Variants in PLPPR1 observed in about 807,000 individuals in gnomAD.
PLPPR1 encodes phospholipid phosphatase-related protein type 1.
PLPPR1 carries 10 observed loss-of-function variants against 33.1 expected under a neutral mutation model. That is an observed-to-expected ratio of 0.30 (90% CI 0.19 to 0.51). The LOEUF is 0.51. Ranked by LOEUF, PLPPR1 falls within the 20% of genes least tolerant of loss-of-function variation. The pLI is 0.97. For synonymous variants in PLPPR1, 151 were observed against 151.0 expected (o/e 1.00, Z 0.00); for missense variants, 304 against 408.1 (o/e 0.74, Z 2.20).
At chr9:101,173,187 T>C (rs1825969857) in intron 1 of PLPPR1, among the ~76,000 whole-genome samples, 2 of 152,178 alleles carry the variant, frequency 1.3e-5, no homozygotes, top group Admixed American at 6.5e-5. Context: ...GAGTCACTAA[T>C]TTAATATACA....
chr9:101,309,312 A>G lies in PLPPR1; in HGVS notation c.487A>G (p.Asn163Asp), dbSNP rs773692925. The G allele has an allele frequency of 3.1e-6, 5 of 1,614,068 alleles. No individual in the cohort carries two copies. The African/African-American group carries it at 6.7e-5, about 22-fold the overall frequency. ...ATACTTCCTGACTGTGTGCAAGCCA[A>G]ACTACACCAGTGCAGACTGCCAAGC... ...TPYFLTVCKP[N>D]YTSADCQAHH... The change falls in exon 5 of 8, where the codon AAC becomes GAC. Residue 163 changes from asparagine (N) to aspartate (D), a missense_variant. Physicochemically the swap from Asn to Asp is conservative, Grantham distance 23. Transcript: ENST00000374874.
At chr9:101,050,958 C>T (rs1163594815) in intron 1 of PLPPR1, among the ~76,000 whole-genome samples, 1 of 152,144 alleles carries the variant, frequency 6.6e-6, no homozygotes, top group Non-Finnish European at 1.5e-5. Context: ...AGTGTTTCAT[C>T]CAAACTCTAC....
chr9:101,109,116 G>A (rs1366223157), intron 1 of PLPPR1, among the ~76,000 whole-genome samples: 3 of 146,362 alleles, frequency 2.0e-5, no homozygotes, highest in African/African-American at 7.6e-5. Flanking sequence ...CCGCCACCAC[G>A]CCTGGCTAAT....
At chr9:101,087,886 A>G (rs2118525596) in intron 1 of PLPPR1, among the ~76,000 whole-genome samples, 1 of 152,304 alleles carries the variant, frequency 6.6e-6, no homozygotes, top group African/African-American at 2.4e-5. Flanking sequence ...AAATGAAATC[A>G]CCAATCATTC....
At chr9:101,075,101 TTAAA>T (rs1830521166) in intron 1 of PLPPR1, among the ~76,000 whole-genome samples, 1 of 152,210 alleles carries the variant, frequency 6.6e-6, no homozygotes, top group Non-Finnish European at 1.5e-5. Context: ...GATAAAATTC[TTAAA>T]TAATCCAGTG....
intron 2 of PLPPR1, among the ~76,000 whole-genome samples, chr9:101,263,781 T>G (rs1827940807): frequency 6.6e-6 from 1 of 152,214 alleles, no homozygotes; most frequent in Non-Finnish European, 1.5e-5. Context: ...GAAATAATAA[T>G]GTACTTACCA....
At chr9:101,244,329 G>A (rs1027037537) in intron 2 of PLPPR1, among the ~76,000 whole-genome samples, 3 of 151,934 alleles carry the variant, frequency 2.0e-5, no homozygotes, top group African/African-American at 7.2e-5. Flanking sequence ...TTTAAATGTT[G>A]AGATATGTTC....
At chr9:101,197,059 G>T (rs1255705543) in intron 2 of PLPPR1, among the ~76,000 whole-genome samples, 1 of 151,828 alleles carries the variant, frequency 6.6e-6, no homozygotes, top group Non-Finnish European at 1.5e-5. Context: ...GCTCAGACCT[G>T]TTCACAGAGG....
chr9:101,051,246 TTACTAC>T (rs35355458), intron 1 of PLPPR1, among the ~76,000 whole-genome samples: 3,120 of 149,788 alleles, frequency 0.021, 106 homozygotes, highest in African/African-American at 0.072. Context: ...CAATTCTTTG[TTACTAC>T]TACTACTACT....
intron 2 of PLPPR1, among the ~76,000 whole-genome samples, chr9:101,253,381 C>T (rs1827745138): frequency 6.6e-6 from 1 of 151,934 alleles, no homozygotes; most frequent in Admixed American, 6.6e-5. Context: ...AACCCCATCT[C>T]TACTAAAAAT....
chr9:101,280,688 A>G (rs1471485433), intron 3 of PLPPR1, among the ~76,000 whole-genome samples: 1 of 152,150 alleles, frequency 6.6e-6, no homozygotes, highest in Non-Finnish European at 1.5e-5. Context: ...ATTTCCATTA[A>G]TGCTGAAAAA....
At chr9:101,089,628 T>C (rs559436047) in intron 1 of PLPPR1, among the ~76,000 whole-genome samples, 2 of 152,318 alleles carry the variant, frequency 1.3e-5, no homozygotes, top group East Asian at 3.9e-4. Flanking sequence ...TAAAATGGTA[T>C]TTTAATAGTG....
chr9:101,111,769 C>T (rs748874304), intron 1 of PLPPR1, among the ~76,000 whole-genome samples: 1 of 152,148 alleles, frequency 6.6e-6, no homozygotes, highest in Middle Eastern at 3.2e-3. Flanking sequence ...GACCCCACAG[C>T]AGTGCAAATG....
chr9:101,064,355 T>TGAAA (rs1830382887), intron 1 of PLPPR1, among the ~76,000 whole-genome samples: 1 of 151,640 alleles, frequency 6.6e-6, no homozygotes, highest in South Asian at 2.1e-4. Flanking sequence ...ATAGAATGAA[T>TGAAA]GAATGAATGA....
chr9:101,085,329 C>G (rs1017490243), intron 1 of PLPPR1, among the ~76,000 whole-genome samples: 4 of 152,144 alleles, frequency 2.6e-5, no homozygotes, highest in African/African-American at 9.7e-5. Flanking sequence ...TTCCAAGATC[C>G]TTTTCTTTGG....
chr9:101,230,916 ACT>A (rs1243769620), intron 2 of PLPPR1, among the ~76,000 whole-genome samples: 3 of 148,748 alleles, frequency 2.0e-5, no homozygotes, highest in Admixed American at 6.7e-5. Context: ...ATTCTGCTGT[ACT>A]CTCTGCCTTG....
intron 3 of PLPPR1, among the ~76,000 whole-genome samples, chr9:101,271,892 T>C (rs773121413): frequency 5.3e-5 from 8 of 152,072 alleles, no homozygotes; most frequent in Non-Finnish European, 1.2e-4. Flanking sequence ...GTTTTACATT[T>C]TAAAAAAATA....
chr9:101,178,003 A>G (rs1826042553), intron 1 of PLPPR1, among the ~76,000 whole-genome samples: 1 of 152,238 alleles, frequency 6.6e-6, no homozygotes, highest in South Asian at 2.1e-4. Flanking sequence ...TAAAATGTAA[A>G]TATAAAAGAC....
At chr9:101,085,167 A>G (rs909499740) in intron 1 of PLPPR1, among the ~76,000 whole-genome samples, 1 of 152,226 alleles carries the variant, frequency 6.6e-6, no homozygotes, top group South Asian at 2.1e-4. Context: ...GTTCACAGAC[A>G]GAAACAGACA....
Sources: gnomAD v4.1 joint callset for allele counts (sites outside exome capture counted in the v4.1 genomes callset) on GRCh38, gnomAD v4.1.1 for gene constraint, MANE v1.5 for transcripts, NCBI Gene and HGNC (gene_info 2026-07-23, HGNC 2026-07-21) for gene names.